Variants in EIF2B3 observed in about 807,000 individuals in gnomAD.
EIF2B3 encodes the protein translation initiation factor eIF2B subunit gamma.
A neutral mutation model predicts 54.1 loss-of-function variants in EIF2B3; 20 were observed. That is an observed-to-expected ratio of 0.37 (90% confidence interval 0.26 to 0.54). EIF2B3 has a LOEUF of 0.54. EIF2B3 is among the 20% of genes least tolerant of loss of function. EIF2B3 has a pLI of 0.86. For missense variants in EIF2B3, 448 were observed against 547.8 expected (o/e 0.82, Z 1.82); for synonymous variants, 153 against 188.1 (o/e 0.81, Z 1.52).
At chr1:44,857,878 G>A in intron 10 of EIF2B3, 71 bp from the exon 11 acceptor site, 1 of 1,470,886 alleles carries the variant, frequency 6.8e-7, no homozygotes, top group South Asian at 1.1e-5. Context: ...TTGGTTGGGG[G>A]TTCTGGCTCC....
At chr1:44,874,468 C>A in intron 10 of EIF2B3, 1 of 575,898 alleles carries the variant, frequency 1.7e-6, no homozygotes, top group Non-Finnish European at 3.0e-6. Flanking sequence ...TCTGATCTTT[C>A]TCTGTTTGGT....
At chr1:44,882,618 ATT>A (rs747962035) in intron 6 of EIF2B3, among the ~76,000 whole-genome samples, 15 of 126,632 alleles carry the variant, frequency 1.2e-4, no homozygotes, top group Non-Finnish European at 1.2e-4. Flanking sequence ...TGCCTGGCTA[ATT>A]TTTTTTTTTT....
At chr1:44,949,145 C>T (rs1028119126) in intron 3 of EIF2B3, among the ~76,000 whole-genome samples, 1 of 152,220 alleles carries the variant, frequency 6.6e-6, no homozygotes, top group Non-Finnish European at 1.5e-5. Context: ...GCTGGGATTA[C>T]AGGCATGAGC....
rs544435420 is a variant in EIF2B3, at chr1:44,910,761, G to A, written c.567-13317C>T. Among the ~76,000 whole-genome samples the A allele has an allele frequency of 4.4e-4, 66 of 150,780 alleles. 1 individual carries two copies. Among genetic ancestry groups the A allele is most frequent in the African/African-American group, 1.5e-3 (62 of 41,136 alleles). ...CTCCTAAAGTGCTGGGATTACAGGT[G>A]TGAGCCACCACACCCAGCCTCTCTC... is the stretch of plus-strand genomic sequence containing the variant. On this transcript the variant is annotated intron_variant, in intron 5 of 11. Transcript: ENST00000360403.
At chr1:44,926,567 G>T in intron 5 of EIF2B3, 61 bp downstream of exon 5, 2 of 1,305,460 alleles carry the variant, frequency 1.5e-6, no homozygotes, top group South Asian at 1.2e-5. Context: ...CCATCCACTG[G>T]GTGGTTTTAT....
chr1:44,864,998 A>C (rs1335995929), intron 10 of EIF2B3, among the ~76,000 whole-genome samples: 1 of 152,190 alleles, frequency 6.6e-6, no homozygotes, highest in East Asian at 1.9e-4. Context: ...CAGGGGGATC[A>C]CTTGAGGTCA....
intron 5 of EIF2B3, among the ~76,000 whole-genome samples, chr1:44,923,364 T>C (rs1217157536): frequency 2.0e-5 from 3 of 152,222 alleles, no homozygotes; most frequent in Admixed American, 6.5e-5. Context: ...TCATATTTGA[T>C]TGATAGTTTG....
chr1:44,864,392 C>T (rs1573685303), intron 10 of EIF2B3, among the ~76,000 whole-genome samples: 1 of 151,848 alleles, frequency 6.6e-6, no homozygotes, highest in South Asian at 2.1e-4. Context: ...TAGCAAACCC[C>T]GTCTACTAAA....
At chr1:44,979,722 G>A (rs138116559) in intron 2 of EIF2B3, among the ~76,000 whole-genome samples, 1 of 152,020 alleles carries the variant, frequency 6.6e-6, no homozygotes, top group East Asian at 1.9e-4. Flanking sequence ...CCAACACTTT[G>A]GAAGGCCGAG....
At position 44,875,692 on chromosome 1, in the gene EIF2B3, G is replaced by A. The variant is rs146286158; in HGVS notation, c.979C>T (p.Pro327Ser). ...GGACAGAGAGCAGACAGCAATTTGG[G>A]CACCTTAAGGACAGAGATTTGGTCA... ...GLYMEANRQV[P>S]KLLSALCPEE... Residue 327 changes from proline to serine, a missense_variant, in exon 9 of 12, where the codon CCC (proline) becomes TCC (serine). Transcript: ENST00000360403. 4.2e-4 allele frequency: 676 copies of A among 1,613,918 alleles called. No individual in the cohort carries two copies. The highest frequency in any genetic ancestry group is 5.1e-4 in the Non-Finnish European group (599 of 1,179,942).
chr1:44,857,826 G>C lies in EIF2B3; in HGVS notation c.1203-19C>G, dbSNP rs773739308. ...ATTGCTTCTGTAACACAGTAGCCAA[G>C]TTAGGGAGGACCCAAGGCTCGCATC... On this transcript the variant is annotated intron_variant, in intron 10 of 11. Coordinates refer to ENST00000360403, the MANE Select transcript of EIF2B3 (RefSeq NM_020365.5). The C allele has an allele frequency of 1.4e-4, 221 of 1,610,520 alleles. No homozygotes were observed. The highest frequency in any genetic ancestry group is 1.8e-4 in the Non-Finnish European group (213 of 1,176,898).
intron 5 of EIF2B3, among the ~76,000 whole-genome samples, chr1:44,913,612 T>C (rs1372442477): frequency 1.3e-5 from 2 of 152,150 alleles, no homozygotes; most frequent in Non-Finnish European, 2.9e-5. Flanking sequence ...GCAAGGGATC[T>C]TCCCGTCTCC....
intron 3 of EIF2B3, among the ~76,000 whole-genome samples, chr1:44,973,316 A>G (rs920251561): frequency 6.6e-6 from 1 of 152,262 alleles, no homozygotes; most frequent in African/African-American, 2.4e-5. Context: ...TGGATGGATG[A>G]ATGGCTAAGC....
intron 5 of EIF2B3, among the ~76,000 whole-genome samples, chr1:44,901,770 A>G (rs896612916): frequency 2.8e-4 from 42 of 151,932 alleles, no homozygotes; most frequent in African/African-American, 9.7e-4. Context: ...CATGTTCCCC[A>G]GGCTGGTCTT....
At chr1:44,922,321 T>A (rs1403231312) in intron 5 of EIF2B3, among the ~76,000 whole-genome samples, 1 of 148,840 alleles carries the variant, frequency 6.7e-6, no homozygotes, top group African/African-American at 2.4e-5. Flanking sequence ...GCATGGTGGC[T>A]CACGCCTGTA....
In EIF2B3 at chr1:44,850,979, A is replaced by G. The variant is rs757501110; in HGVS notation, c.1331T>C (p.Val444Ala). 6.2e-7 allele frequency: 1 copy of G among 1,614,088 alleles called. No homozygotes were observed. Among genetic ancestry groups the G allele is most frequent in the Non-Finnish European group, 8.5e-7 (1 of 1,179,998 alleles). The stretch of plus-strand genomic sequence containing the variant: ...GATCTCCATGAGCTGGTCATTCCCC[A>G]CGATCACCTCATTCACTCGTTTAGC... Reference protein sequence around the residue: ...AKAKRVNEVIVGNDQLMEI With the variant: ...AKAKRVNEVIAGNDQLMEI Residue 444 changes from valine (V) to alanine (A), a missense_variant, in exon 12 of 12, where the codon GTG (valine) becomes GCG (alanine). Transcript: ENST00000360403.
intron 5 of EIF2B3, among the ~76,000 whole-genome samples, chr1:44,915,312 T>A (rs1024373064): frequency 4.0e-5 from 6 of 151,068 alleles, no homozygotes; most frequent in Non-Finnish European, 7.4e-5. Flanking sequence ...AAAAAAAAAA[T>A]TATTATTATT....
Position 44,879,848 on chromosome 1 carries a change from T to C in EIF2B3, c.945A>G (p.Thr315=), listed in dbSNP as rs544737479. 8 of 1,614,112 alleles carry C rather than the reference T, an allele frequency of 5.0e-6. No individual in the cohort carries two copies. Among genetic ancestry groups the C allele is most frequent in the African/African-American group, 2.7e-5 (2 of 75,058 alleles). ...TGTTTGCTTCCATGTAGAGTCCCAG[T>C]GTGCTCACTCGAGAGCAGAGCCCCT... ...MKEGLCSRVS[T]LGLYMEANRQ... The change falls in exon 8 of 12, where the codon ACA becomes ACG. Residue 315 remains threonine (T), a synonymous_variant. Transcript: ENST00000360403.
At chr1:44,923,709 T>A (rs1557687466) in intron 5 of EIF2B3, among the ~76,000 whole-genome samples, 1 of 152,152 alleles carries the variant, frequency 6.6e-6, no homozygotes, top group Non-Finnish European at 1.5e-5. Context: ...AATTCATTAA[T>A]TACATTTAAT....
Sources: gnomAD v4.1 joint callset for allele counts (sites outside exome capture counted in the v4.1 genomes callset) on GRCh38, gnomAD v4.1.1 for gene constraint, MANE v1.5 for transcripts, NCBI Gene and HGNC (gene_info 2026-07-23, HGNC 2026-07-21) for gene names.